The following NIBAN3 variants were observed in gnomAD, a reference collection of about 807,000 sequenced individuals.
NIBAN3 encodes niban apoptosis regulator 3.
Under a neutral mutation model 76.4 loss-of-function variants are expected in NIBAN3, and 66 were observed. The observed-to-expected ratio is 0.86, with a 90% CI of 0.71 to 1.06. The LOEUF is 1.06. Ranked by LOEUF, NIBAN3 falls within the 50% of genes least tolerant of loss-of-function variation. The probability of loss-of-function intolerance (pLI) is 0.00; values close to 1 mark genes in which losing one functional copy is unlikely to be tolerated. For missense variants in NIBAN3, 808 were observed against 810.7 expected (o/e 1.00, Z 0.04); for synonymous variants, 360 against 355.2 (o/e 1.01, Z -0.15).
intron 3 of NIBAN3, 155 bp from the exon 4 acceptor site, chr19:17,533,432 A>T: frequency 2.1e-6 from 1 of 467,902 alleles, no homozygotes; most frequent in African/African-American, 2.8e-5. Context: ...AAAAAAAAAG[A>T]GAGAGGGAGG....
intron 13 of NIBAN3, among the ~76,000 whole-genome samples, chr19:17,547,323 C>T (rs150264935): frequency 0.033 from 4,767 of 145,148 alleles, 243 homozygotes; most frequent in African/African-American, 0.11. Context: ...CACTGCACTG[C>T]AGCCTGGCGA....
At chr19:17,545,869 G>C (rs1568461394) in intron 12 of NIBAN3, 1 of 373,790 alleles carries the variant, frequency 2.7e-6, no homozygotes, top group African/African-American at 2.1e-5. Flanking sequence ...ACTGATATCA[G>C]GCCCTCCACA....
At chr19:17,527,203 G>A, upstream of NIBAN3, 3 of 1,545,762 alleles carry the variant, frequency 1.9e-6, no homozygotes, top group Non-Finnish European at 2.6e-6. Context: ...CGCAGGTGCA[G>A]CGTGGGGTGG....
upstream of NIBAN3, among the ~76,000 whole-genome samples, chr19:17,526,574 G>A (rs1381006914): frequency 6.6e-6 from 1 of 151,904 alleles, no homozygotes. Flanking sequence ...CTTGAGCACA[G>A]GAGTTCCAGG....
chr19:17,550,272 T>G (rs1017183829), intron 14 of NIBAN3, among the ~76,000 whole-genome samples: 2 of 152,144 alleles, frequency 1.3e-5, no homozygotes, highest in Non-Finnish European at 2.9e-5. Context: ...GGATAATTTT[T>G]TTATGCAGCA....
At chr19:17,534,804 A>AAAG (rs1555756799) in intron 4 of NIBAN3, among the ~76,000 whole-genome samples, 3 of 147,760 alleles carry the variant, frequency 2.0e-5, no homozygotes, top group Non-Finnish European at 3.0e-5. Flanking sequence ...AAAAAAAAAA[A>AAAG]AAAGAAAAGA....
chr19:17,551,031 C>T (rs2076146666), intron 14 of NIBAN3, among the ~76,000 whole-genome samples: 4 of 151,572 alleles, frequency 2.6e-5, no homozygotes, highest in Admixed American at 2.6e-4. Flanking sequence ...TTTCTGAGAA[C>T]CTTCTCTCCT....
At chr19:17,530,056 C>CCA (rs2075685698) in intron 1 of NIBAN3, among the ~76,000 whole-genome samples, 1 of 140,164 alleles carries the variant, frequency 7.1e-6, no homozygotes, top group African/African-American at 2.8e-5. Context: ...CACCCTGTCT[C>CCA]AAAAAAAAGA....
At chr19:17,524,932 C>G (rs370874123), upstream of NIBAN3, among the ~76,000 whole-genome samples, 4 of 152,304 alleles carry the variant, frequency 2.6e-5, no homozygotes, top group African/African-American at 9.6e-5. Flanking sequence ...CACAGCCCCA[C>G]ATAGCAGCAA....
At position 17,553,143 on chromosome 19, in the gene NIBAN3, G is replaced by A. The variant is rs2144802256; in HGVS notation, c.*1245G>A. The stretch of plus-strand genomic sequence containing the variant: ...TGTAGTTTTTTTTTTTTTAATTTCA[G>A]TGAATTGCCTGTTCATAGCTTTTTT... On this transcript the variant is annotated 3_prime_UTR_variant, in exon 15 of 15. Transcript: ENST00000599164. The A allele has an allele frequency of 2.2e-6, 2 of 924,424 alleles. No homozygotes were observed. The highest frequency in any genetic ancestry group is 1.5e-6 in the Non-Finnish European group (1 of 648,258). 57.3% of individuals were successfully genotyped at this position (924,424 alleles called of 1,614,324 possible).
rs575689393 is a variant in NIBAN3 at position 17,546,768 on chromosome 19, G to C, written c.1637G>C (p.Arg546Pro). The C allele has an allele frequency of 6.2e-7, 1 of 1,602,752 alleles. No individual in the cohort carries two copies. Among genetic ancestry groups the C allele is most frequent in the African/African-American group, 1.3e-5 (1 of 74,770 alleles). Residue 546 changes from arginine to proline, a missense_variant, in exon 13 of 15, where the codon CGG becomes CCG. Arg to Pro is a moderately radical substitution (Grantham distance 103). Transcript: ENST00000599164. Reference sequence around the variant, plus strand: ...GAGGGCATCTATGAGGACGTCATCCGGGGGTGCTTGCTGCAGAGGATTGAC... The same window carrying C: ...GAGGGCATCTATGAGGACGTCATCCCGGGGTGCTTGCTGCAGAGGATTGAC... ...TTEGIYEDVIRGCLLQRIDQE... is the reference protein window; with the variant it reads ...TTEGIYEDVIPGCLLQRIDQE...
chr19:17,524,527 C>T (rs1316333641), upstream of NIBAN3, among the ~76,000 whole-genome samples: 5 of 152,112 alleles, frequency 3.3e-5, 1 homozygote, highest in African/African-American at 4.8e-5. Context: ...TCAGGTGACC[C>T]GCCTGCCTCG....
intron 2 of NIBAN3, among the ~76,000 whole-genome samples, chr19:17,531,281 T>G (rs1238573694): frequency 6.6e-6 from 1 of 150,558 alleles, no homozygotes; most frequent in Non-Finnish European, 1.5e-5. Context: ...GAGCCCAGAT[T>G]GTGCCACTGC....
intron 1 of NIBAN3, among the ~76,000 whole-genome samples, chr19:17,528,476 G>A (rs1184834869): frequency 6.6e-6 from 1 of 152,156 alleles, no homozygotes; most frequent in Admixed American, 6.6e-5. Context: ...GCCAAGTGGA[G>A]GGTGTCCCAG....
At position 17,546,693 on chromosome 19, in the gene NIBAN3, C is replaced by T. The variant is rs765377005; in HGVS notation, c.1562C>T (p.Pro521Leu). 1.7e-5 allele frequency: 27 copies of T among 1,575,660 alleles called. No individual in the cohort carries two copies. The South Asian group carries it at 2.5e-4, about 14-fold the overall frequency. The change falls in exon 13 of 15, where the codon CCT (proline) becomes CTT (leucine). Residue 521 changes from proline (P) to leucine (L), a missense_variant. By Grantham distance (98) the Pro-to-Leu change is moderately conservative (BLOSUM62 -3). Transcript: ENST00000599164. ...AACCCGCCATGGTTCCAGGAGCTGCCTGAGTTCGAGGGGGATGTCCTTGCC... is the reference window on the plus strand; with the variant it reads ...AACCCGCCATGGTTCCAGGAGCTGCTTGAGTTCGAGGGGGATGTCCTTGCC... ...QLEPGCKKEL[P>L]EFEGDVLAVG... is the part of the protein sequence containing the mutation.
At chr19:17,529,011 A>C (rs2075662160) in intron 1 of NIBAN3, among the ~76,000 whole-genome samples, 1 of 152,170 alleles carries the variant, frequency 6.6e-6, no homozygotes, top group Admixed American at 6.5e-5. Flanking sequence ...AAGGAAGGAG[A>C]TACCAGAAGA....
intron 1 of NIBAN3, among the ~76,000 whole-genome samples, chr19:17,528,103 G>GT (rs2075642496): frequency 1.3e-5 from 2 of 150,400 alleles, no homozygotes; most frequent in African/African-American, 4.9e-5. Context: ...GTTTTGTTTT[G>GT]TTTTTTGAGA....
intron 1 of NIBAN3, among the ~76,000 whole-genome samples, chr19:17,529,593 T>C (rs2075675573): frequency 6.6e-6 from 1 of 152,226 alleles, no homozygotes; most frequent in African/African-American, 2.4e-5. Flanking sequence ...CACACCTCCA[T>C]CACTCACAGA....
At chr19:17,538,083 C>T (rs887421892) in intron 5 of NIBAN3, among the ~76,000 whole-genome samples, 1 of 151,896 alleles carries the variant, frequency 6.6e-6, no homozygotes, top group African/African-American at 2.4e-5. Flanking sequence ...GGGGTTAGAG[C>T]AGGCTTCCCA....
Sources: gnomAD v4.1 joint callset for allele counts (sites outside exome capture counted in the v4.1 genomes callset) on GRCh38, gnomAD v4.1.1 for gene constraint, MANE v1.5 for transcripts, NCBI Gene and HGNC (gene_info 2026-07-23, HGNC 2026-07-21) for gene names.